The following CNTN5 variants were observed in gnomAD, a reference collection of about 807,000 sequenced individuals.
The protein encoded by CNTN5 is contactin 5.
A neutral mutation model predicts 129.1 loss-of-function variants in CNTN5; 77 were observed. That is an observed-to-expected ratio of 0.60 (90% CI 0.50 to 0.72). The LOEUF (loss-of-function observed/expected upper bound fraction) is 0.72, where lower values mean the gene tolerates loss of function less well. CNTN5 is among the 30% of genes least tolerant of loss of function. The pLI is 0.00. For synonymous variants in CNTN5, 509 were observed against 465.6 expected, an observed-to-expected ratio of 1.09 and a Z score of -1.20; for missense variants, 1,478 against 1,328.8, an observed-to-expected ratio of 1.11 and a Z score of -1.75.
chr11:99,721,457 C>T (rs1943170194), intron 3 of CNTN5, among the ~76,000 whole-genome samples: 1 of 152,106 alleles, frequency 6.6e-6, no homozygotes, highest in Non-Finnish European at 1.5e-5. Flanking sequence ...TGGACCCCTT[C>T]CTTACACCAT....
chr11:99,511,988 G>A (rs114123374), intron 2 of CNTN5, among the ~76,000 whole-genome samples: 3,101 of 152,096 alleles, frequency 0.02, 116 homozygotes, highest in African/African-American at 0.07. Context: ...ATTACAGTAA[G>A]CTAAGGCTAA....
At chr11:99,393,064 T>C (rs1381998829) in intron 2 of CNTN5, among the ~76,000 whole-genome samples, 1 of 151,702 alleles carries the variant, frequency 6.6e-6, no homozygotes, top group East Asian at 1.9e-4. Flanking sequence ...CATTTTGCTA[T>C]AGAAACCCAG....
intron 7 of CNTN5, among the ~76,000 whole-genome samples, chr11:99,934,969 T>G (rs1950282308): frequency 1.4e-5 from 2 of 139,706 alleles, no homozygotes; most frequent in African/African-American, 2.6e-5. Flanking sequence ...TATATGGTGA[T>G]TAGTCCTAAA....
At chr11:99,656,374 A>G (rs1952364652) in intron 3 of CNTN5, among the ~76,000 whole-genome samples, 1 of 152,158 alleles carries the variant, frequency 6.6e-6, no homozygotes. Flanking sequence ...CCAGATCACA[A>G]AGTAGAAACT....
intron 13 of CNTN5, among the ~76,000 whole-genome samples, chr11:100,103,969 A>G (rs917749860): frequency 2.0e-5 from 3 of 152,200 alleles, no homozygotes; most frequent in African/African-American, 7.2e-5. Context: ...ACCCTTTACA[A>G]AGTCACAGAA....
At chr11:99,304,091 T>C (rs1261025471) in intron 1 of CNTN5, among the ~76,000 whole-genome samples, 1 of 152,032 alleles carries the variant, frequency 6.6e-6, no homozygotes, top group African/African-American at 2.4e-5. Flanking sequence ...TAAATGACAG[T>C]TTTTCTTGAT....
intron 21 of CNTN5, among the ~76,000 whole-genome samples, chr11:100,327,524 G>T (rs949816764): frequency 6.6e-6 from 1 of 152,100 alleles, no homozygotes; most frequent in African/African-American, 2.4e-5. Context: ...TATCCCTCAA[G>T]TTAGATCTGT....
chr11:99,095,579 G>A (rs1436712672), intron 1 of CNTN5, among the ~76,000 whole-genome samples: 4 of 151,880 alleles, frequency 2.6e-5, no homozygotes, highest in East Asian at 1.9e-4. Context: ...TAAGATAAAC[G>A]TAGGAGAAGA....
At chr11:100,198,749 G>C (rs11223188) in intron 15 of CNTN5, among the ~76,000 whole-genome samples, 4 of 151,828 alleles carry the variant, frequency 2.6e-5, no homozygotes, top group Admixed American at 2.6e-4. Context: ...TTGGAAAGTA[G>C]GAGTAATTAT....
At chr11:100,090,554 C>T (rs1192588820) in intron 13 of CNTN5, among the ~76,000 whole-genome samples, 1 of 115,930 alleles carries the variant, frequency 8.6e-6, no homozygotes, top group African/African-American at 3.2e-5. Flanking sequence ...TTCCTTCCCT[C>T]CCTCCCTCCC....
chr11:99,665,751 T>C (rs1591446265), intron 3 of CNTN5, among the ~76,000 whole-genome samples: 1 of 151,898 alleles, frequency 6.6e-6, no homozygotes, highest in East Asian at 1.9e-4. Context: ...TCTCCCAGAG[T>C]GCTGAGATTA....
At chr11:99,368,579 A>G (rs1029674344) in intron 2 of CNTN5, among the ~76,000 whole-genome samples, 4 of 152,214 alleles carry the variant, frequency 2.6e-5, no homozygotes, top group Admixed American at 2.6e-4. Flanking sequence ...AGCTTTATTA[A>G]ATAAGTTAAT....
intron 2 of CNTN5, among the ~76,000 whole-genome samples, chr11:99,394,018 T>A (rs1257978196): frequency 6.6e-6 from 1 of 151,720 alleles, no homozygotes; most frequent in African/African-American, 2.4e-5. Context: ...TCTTAACGAG[T>A]CTTTAATTAG....
At position 100,280,627 on chromosome 11, in the gene CNTN5, G is replaced by T. The variant is rs80152465; in HGVS notation, c.2314+9386G>T. On this transcript the variant is annotated intron_variant, in intron 18 of 24. Transcript: ENST00000524871. ...ACAGGTTATTGCGTATTATTTTTTT[G>T]ACCATTCAGCCACTCTGTCTTTTGA... is the stretch of plus-strand genomic sequence containing the variant. Among the ~76,000 whole-genome samples, 238 of 151,906 alleles carry T rather than the reference G, an allele frequency of 1.6e-3. 2 individuals are homozygous for T. Among genetic ancestry groups the T allele is most frequent in the African/African-American group, 5.4e-3 (222 of 41,486 alleles).
rs537632917 is a variant in CNTN5, at chr11:100,209,250, T to C, written c.1885-15442T>C. Among the ~76,000 whole-genome samples, 168 of 152,308 alleles carry C rather than the reference T, an allele frequency of 1.1e-3. 1 individual carries two copies. The South Asian group carries it at 0.015, about 13-fold the overall frequency. ...TAAAATTTAGATTTTATGTGTGGTG[T>C]GATGTGGAGGAGAGAGGTGTAGGAG... On this transcript the variant is annotated intron_variant, in intron 15 of 24. Coordinates refer to ENST00000524871, the MANE Select transcript of CNTN5 (RefSeq NM_014361.4).
intron 13 of CNTN5, among the ~76,000 whole-genome samples, chr11:100,112,944 C>T (rs1945703842): frequency 6.6e-6 from 1 of 152,026 alleles, no homozygotes; most frequent in African/African-American, 2.4e-5. Context: ...AAAGCAAAAT[C>T]AAAGTAGTAT....
intron 1 of CNTN5, among the ~76,000 whole-genome samples, chr11:99,057,684 T>G (rs1864680178): frequency 2.0e-5 from 3 of 151,812 alleles, no homozygotes; most frequent in Non-Finnish European, 4.4e-5. Context: ...AATAAAATAC[T>G]GAAAAAAAGA....
intron 4 of CNTN5, 95 bp from the exon 5 acceptor site, chr11:99,844,757 A>C: frequency 8.1e-7 from 1 of 1,239,376 alleles, no homozygotes; most frequent in Non-Finnish European, 1.1e-6. Flanking sequence ...AGAAAAGAGC[A>C]AGAATTTTGA....
intron 9 of CNTN5, among the ~76,000 whole-genome samples, chr11:100,060,174 C>G (rs1216845811): frequency 6.7e-6 from 1 of 148,356 alleles, no homozygotes; most frequent in Non-Finnish European, 1.5e-5. Context: ...CCACTGCACT[C>G]GAGCCTTGGC....
Sources: gnomAD v4.1 joint callset for allele counts (sites outside exome capture counted in the v4.1 genomes callset) on GRCh38, gnomAD v4.1.1 for gene constraint, MANE v1.5 for transcripts, NCBI Gene and HGNC (gene_info 2026-07-23, HGNC 2026-07-21) for gene names.